TP63: variants seen among roughly 807,000 people sequenced by gnomAD.
TP63 encodes the protein tumor protein 63.
Under a neutral mutation model 82.8 loss-of-function variants are expected in TP63, and 17 were observed. That is an observed-to-expected ratio of 0.21 (90% confidence interval 0.14 to 0.31). The LOEUF is 0.31. Ranked by LOEUF, TP63 falls within the 10% of genes least tolerant of loss-of-function variation. The pLI, the probability that TP63 is intolerant of heterozygous loss-of-function variation, is 1.00. For missense variants in TP63, 648 were observed against 895.3 expected (o/e 0.72, Z 3.52); for synonymous variants, 330 against 321.7 (o/e 1.03, Z -0.28).
intron 1 of TP63, among the ~76,000 whole-genome samples, chr3:189,684,944 A>G (rs189082294): frequency 2.1e-4 from 32 of 152,198 alleles, no homozygotes; most frequent in African/African-American, 6.3e-4. Context: ...GGATATACTT[A>G]TATATTATTT....
At chr3:189,815,934 CT>C (rs1375733456) in intron 4 of TP63, among the ~76,000 whole-genome samples, 1 of 152,092 alleles carries the variant, frequency 6.6e-6, no homozygotes, top group Non-Finnish European at 1.5e-5. Context: ...AGCAAATGAC[CT>C]TTCTGCTTCT....
chr3:189,705,667 C>T (rs1382314615), intron 1 of TP63, among the ~76,000 whole-genome samples: 1 of 151,826 alleles, frequency 6.6e-6, no homozygotes, highest in Non-Finnish European at 1.5e-5. Flanking sequence ...ATAATATATA[C>T]TTTTATATTT....
chr3:189,751,714 A>G (rs985684269), intron 3 of TP63, among the ~76,000 whole-genome samples: 1 of 151,668 alleles, frequency 6.6e-6, no homozygotes, highest in African/African-American at 2.4e-5. Flanking sequence ...TGGGTTTTGG[A>G]TATTAGCCCT....
chr3:189,753,440 T>G (rs1721965909), intron 3 of TP63, among the ~76,000 whole-genome samples: 1 of 152,174 alleles, frequency 6.6e-6, no homozygotes, highest in East Asian at 1.9e-4. Context: ...GAAGTCTACT[T>G]TAGTCTGTAT....
At chr3:189,632,407 A>G (rs1240621312) in intron 1 of TP63, among the ~76,000 whole-genome samples, 3 of 152,130 alleles carry the variant, frequency 2.0e-5, no homozygotes, top group Admixed American at 6.6e-5. Flanking sequence ...TTGGAGCTTG[A>G]TACTAGAAGC....
At chr3:189,849,668 A>AT (rs903286305) in intron 4 of TP63, among the ~76,000 whole-genome samples, 9 of 151,806 alleles carry the variant, frequency 5.9e-5, no homozygotes, top group Non-Finnish European at 2.9e-5. Context: ...TTTAGAAATT[A>AT]TTTTTTTTAA....
chr3:189,766,519 C>G (rs914605345), intron 3 of TP63, among the ~76,000 whole-genome samples: 2 of 152,078 alleles, frequency 1.3e-5, no homozygotes, highest in African/African-American at 2.4e-5. Flanking sequence ...GGAGAAGTTC[C>G]TAACTCTTTC....
intron 1 of TP63, among the ~76,000 whole-genome samples, chr3:189,729,385 G>A (rs529153734): frequency 3.7e-4 from 56 of 152,294 alleles, no homozygotes; most frequent in South Asian, 3.1e-3. Flanking sequence ...GAAGCAAGCC[G>A]TGAAGCTGTG....
At chr3:189,652,953 A>G (rs1384030738) in intron 1 of TP63, among the ~76,000 whole-genome samples, 1 of 146,942 alleles carries the variant, frequency 6.8e-6, no homozygotes, top group Non-Finnish European at 1.5e-5. Context: ...GAACTGAGTC[A>G]ATTAAACCTC....
At chr3:189,729,365 GGTCA>G (rs1719995576) in intron 1 of TP63, among the ~76,000 whole-genome samples, 1 of 152,154 alleles carries the variant, frequency 6.6e-6, no homozygotes, top group African/African-American at 2.4e-5. Flanking sequence ...CACAGTAAAA[GGTCA>G]TGGAAGAAGC....
chr3:189,709,324 A>G (rs972106339), intron 1 of TP63, among the ~76,000 whole-genome samples: 6 of 152,164 alleles, frequency 3.9e-5, no homozygotes, highest in Admixed American at 6.5e-5. Context: ...AGTTGAATTA[A>G]TAAATTTGTT....
chr3:189,872,832 C>G (rs775358946), intron 9 of TP63, 27 bp from the exon 10 acceptor site: 2 of 1,613,908 alleles, frequency 1.2e-6, no homozygotes, highest in Non-Finnish European at 1.7e-6. Flanking sequence ...TTCATGTTTC[C>G]TTCTTTCCTT....
intron 10 of TP63, among the ~76,000 whole-genome samples, chr3:189,876,236 A>G (rs565893323): frequency 1.3e-5 from 2 of 152,310 alleles, no homozygotes; most frequent in African/African-American, 4.8e-5. Context: ...GACATCATTC[A>G]GTTCAGGGGC....
chr3:189,748,344 GATACAAAAATCAAA>G (rs1553827580), intron 3 of TP63, among the ~76,000 whole-genome samples: 3 of 151,684 alleles, frequency 2.0e-5, no homozygotes, highest in Non-Finnish European at 2.9e-5. Flanking sequence ...ATAGTTGCAG[GATACAAAAATCAAA>G]ATACAAAAAT....
intron 4 of TP63, 56 bp from the exon 5 acceptor site, chr3:189,864,176 C>T: frequency 6.2e-7 from 1 of 1,607,444 alleles, no homozygotes; most frequent in South Asian, 1.1e-5. Context: ...TGGAATGTAA[C>T]AATATCTCCT....
chr3:189,736,801 A>G lies in TP63; in HGVS notation c.63-939A>G, dbSNP rs780562210. Among the ~76,000 whole-genome samples the G allele has an allele frequency of 7.2e-5, 11 of 152,086 alleles. No individual in the cohort carries two copies. In the East Asian group the frequency reaches 7.7e-4, roughly 11 times the overall value. ...TGAAATTTTAAGAAGATGATTGACT[A>G]TCCTCATACAGTATTTTTCTAATTC... On this transcript the variant is annotated intron_variant, in intron 1 of 13. Coordinates refer to ENST00000264731, the MANE Select transcript of TP63 (RefSeq NM_003722.5).
intron 3 of TP63, among the ~76,000 whole-genome samples, chr3:189,750,458 C>A (rs6444397): frequency 1.3e-5 from 2 of 152,204 alleles, no homozygotes; most frequent in Admixed American, 1.3e-4. Flanking sequence ...TTTCAAAGTA[C>A]ATAAAGGAGA....
rs2108854448 is a variant in TP63 at position 189,886,493 on chromosome 3, C to A, written c.1449C>A (p.Asn483Lys). The change falls in exon 11 of 14, where the codon AAC becomes AAA. Residue 483 changes from asparagine to lysine, a missense_variant. Coordinates refer to ENST00000264731, the MANE Select transcript of TP63 (RefSeq NM_003722.5). ...NKLPSVSQLI[N>K]PQQRNALTPT... ...TGCCTTCTGTGAGCCAGCTTATCAA[C>A]CCTCAGCAGCGCAACGCCCTCACTC... 1 of 1,614,142 alleles carries A rather than the reference C, an allele frequency of 6.2e-7. No individual in the cohort carries two copies. Among genetic ancestry groups the A allele is most frequent in the East Asian group, 2.2e-5 (1 of 44,860 alleles).
At chr3:189,875,603 T>TATATATATATATATATACAC (rs1718989867) in intron 10 of TP63, among the ~76,000 whole-genome samples, 2 of 35,114 alleles carry the variant, frequency 5.7e-5, no homozygotes, top group Non-Finnish European at 1.7e-4. Context: ...CATATATATA[T>TATATATATATATATATACAC]ATATATATAT....
Sources: allele counts gnomAD v4.1 joint callset (sites outside exome capture counted in the v4.1 genomes callset), GRCh38; gene constraint gnomAD v4.1.1; transcripts MANE v1.5; gene names NCBI Gene and HGNC (gene_info 2026-07-23, HGNC 2026-07-21).